Variants in FYB1 observed in about 807,000 individuals in gnomAD.
The protein encoded by FYB1 is FYN-binding protein 1.
In FYB1, 41 loss-of-function variants were observed where a neutral mutation model predicts 94.1. That is an observed-to-expected ratio of 0.44 (90% CI 0.34 to 0.57). FYB1 has a LOEUF of 0.57. Ranked by LOEUF, FYB1 falls within the 20% of genes least tolerant of loss-of-function variation. The pLI is 0.02. For missense variants in FYB1, 1,050 were observed against 976.8 expected (o/e 1.07, Z -1.00); for synonymous variants, 367 against 353.2 (o/e 1.04, Z -0.44).
upstream of FYB1, among the ~76,000 whole-genome samples, chr5:39,222,858 A>T (rs1034167166): frequency 6.6e-6 from 1 of 152,184 alleles, no homozygotes; most frequent in Non-Finnish European, 1.5e-5. Flanking sequence ...CAAGATGATG[A>T]TGCTGATAAT....
chr5:39,198,792 T>A (rs1208527359), intron 2 of FYB1, among the ~76,000 whole-genome samples: 1 of 152,138 alleles, frequency 6.6e-6, no homozygotes, highest in Non-Finnish European at 1.5e-5. Context: ...ATTTCCAACT[T>A]AAGAATGTTT....
chr5:39,124,018 A>G (rs1740382548), intron 13 of FYB1, among the ~76,000 whole-genome samples: 1 of 152,196 alleles, frequency 6.6e-6, no homozygotes, highest in Non-Finnish European at 1.5e-5. Flanking sequence ...TCCCTAACCC[A>G]ATAGTGGCTC....
intron 7 of FYB1, among the ~76,000 whole-genome samples, 172 bp from the exon 8 acceptor site, chr5:39,135,186 G>A (rs1328264181): frequency 6.6e-6 from 1 of 152,232 alleles, no homozygotes; most frequent in East Asian, 1.9e-4. Context: ...AGGGGTTAGG[G>A]AAAAATCACA....
chr5:39,223,712 A>G (rs1750361947), upstream of FYB1, among the ~76,000 whole-genome samples: 1 of 152,188 alleles, frequency 6.6e-6, no homozygotes, highest in Admixed American at 6.5e-5. Flanking sequence ...CTAGGTTTCC[A>G]CTTCTCTATC....
At chr5:39,188,193 T>C (rs933277703) in intron 2 of FYB1, among the ~76,000 whole-genome samples, 1 of 152,188 alleles carries the variant, frequency 6.6e-6, no homozygotes, top group Non-Finnish European at 1.5e-5. Context: ...TTATCTGCCA[T>C]AGCAAAGAAC....
intron 1 of FYB1, among the ~76,000 whole-genome samples, chr5:39,209,287 C>A (rs1015245796): frequency 1.3e-5 from 2 of 151,876 alleles, no homozygotes; most frequent in African/African-American, 4.8e-5. Context: ...GATAATAGAA[C>A]AGCAGTGATC....
At chr5:39,130,043 T>C (rs1438660361) in intron 10 of FYB1, among the ~76,000 whole-genome samples, 1 of 151,744 alleles carries the variant, frequency 6.6e-6, no homozygotes, top group Non-Finnish European at 1.5e-5. Flanking sequence ...GAAAATTTTG[T>C]CTATACGCAA....
intron 18 of FYB1, 121 bp from the exon 19 acceptor site, chr5:39,107,586 G>T: frequency 2.0e-6 from 1 of 496,544 alleles, no homozygotes; most frequent in Non-Finnish European, 3.4e-6. Flanking sequence ...AATAGAACTG[G>T]CTCACTTTAT....
chr5:39,118,992 A>G lies in FYB1; in HGVS notation c.2283T>C (p.Thr761=). 1 of 1,536,286 alleles carries G rather than the reference A, an allele frequency of 6.5e-7. No homozygotes were observed. The highest frequency in any genetic ancestry group is 8.9e-7 in the Non-Finnish European group (1 of 1,127,406). ...IRVLYSTKVT[T]SITSKKWGTR... The stretch of plus-strand genomic sequence containing the variant: ...TTCCCCACTTTTTAGAAGTTATGGA[A>G]GTTGTAACTTTAGTTGAATATAGGA... The change falls in exon 16 of 19, where the codon ACT becomes ACC. Residue 761 remains threonine, a synonymous_variant. Transcript: ENST00000512982.
At chr5:39,191,375 G>A (rs1449885761) in intron 2 of FYB1, among the ~76,000 whole-genome samples, 1 of 152,218 alleles carries the variant, frequency 6.6e-6, no homozygotes, top group Non-Finnish European at 1.5e-5. Context: ...GTGTGCAGTC[G>A]TGCAGCTGCA....
intron 1 of FYB1, among the ~76,000 whole-genome samples, chr5:39,213,660 CTG>C (rs1229910187): frequency 3.3e-5 from 5 of 152,130 alleles, no homozygotes; most frequent in Admixed American, 1.3e-4. Flanking sequence ...CATTTAGTCT[CTG>C]TGTGTGTGTT....
At chr5:39,166,437 T>TAA (rs61298144) in intron 2 of FYB1, among the ~76,000 whole-genome samples, 3 of 139,062 alleles carry the variant, frequency 2.2e-5, no homozygotes, top group Non-Finnish European at 3.1e-5. Flanking sequence ...CTCCGTCTCA[T>TAA]AAAAAAAAAA....
At chr5:39,124,669 T>C (rs1231917989) in intron 12 of FYB1, among the ~76,000 whole-genome samples, 1 of 151,994 alleles carries the variant, frequency 6.6e-6, no homozygotes, top group Non-Finnish European at 1.5e-5. Context: ...CCAAACTGCT[T>C]ATTTGAATTA....
upstream of FYB1, among the ~76,000 whole-genome samples, chr5:39,223,366 G>A (rs1287897927): frequency 9.2e-5 from 14 of 152,120 alleles, no homozygotes; most frequent in Admixed American, 1.3e-4. Context: ...GACAGAAGGT[G>A]AAGTTGAAAA....
intron 2 of FYB1, among the ~76,000 whole-genome samples, chr5:39,192,420 T>C (rs1407882575): frequency 6.6e-6 from 1 of 152,250 alleles, no homozygotes; most frequent in Admixed American, 6.5e-5. Context: ...TCAAATTTTA[T>C]TTATTTCAGC....
intron 9 of FYB1, among the ~76,000 whole-genome samples, chr5:39,133,913 C>T (rs531504576): frequency 4.6e-5 from 7 of 152,156 alleles, no homozygotes; most frequent in Non-Finnish European, 8.8e-5. Context: ...TTAGGCATAT[C>T]CCTAAGATCA....
chr5:39,229,151 G>A (rs1300838183), intron 1 of FYB1, among the ~76,000 whole-genome samples: 1 of 152,084 alleles, frequency 6.6e-6, no homozygotes, highest in African/African-American at 2.4e-5. Context: ...TGGGACTCAG[G>A]ACCCAGGGAA....
At chr5:39,197,934 A>G (rs898965649) in intron 2 of FYB1, among the ~76,000 whole-genome samples, 1 of 152,244 alleles carries the variant, frequency 6.6e-6, no homozygotes, top group Non-Finnish European at 1.5e-5. Flanking sequence ...ACATTTCTAT[A>G]TTACAAACAG....
rs1280678035 is a variant in FYB1 at position 39,110,347 on chromosome 5, T to C, written c.2435+9A>G. 2 of 1,581,246 alleles carry C rather than the reference T, an allele frequency of 1.3e-6. No homozygotes were observed. Among genetic ancestry groups the C allele is most frequent in the African/African-American group, 1.3e-5 (1 of 74,288 alleles). On this transcript the variant is annotated intron_variant, in intron 17 of 18. Transcript: ENST00000512982. The stretch of plus-strand genomic sequence containing the variant: ...TCACAAGCATAGTAGTAGAAGAAAA[T>C]GGGCTTACTTGTCCGCTAGGTAACT...
Sources: gnomAD v4.1 joint callset for allele counts (sites outside exome capture counted in the v4.1 genomes callset) on GRCh38, gnomAD v4.1.1 for gene constraint, MANE v1.5 for transcripts, NCBI Gene and HGNC (gene_info 2026-07-23, HGNC 2026-07-21) for gene names.